The following CSMD2 variants were observed in gnomAD, a reference collection of about 807,000 sequenced individuals.
CSMD2 encodes CUB and Sushi multiple domains 2, also known as CUB and sushi domain-containing protein 2.
A neutral mutation model predicts 398.5 loss-of-function variants in CSMD2; 130 were observed. The ratio of observed to expected loss-of-function variants is 0.33; its 90% CI spans 0.28 to 0.38. CSMD2 has a LOEUF of 0.38. Ranked by LOEUF, CSMD2 falls within the 10% of genes least tolerant of loss-of-function variation. The pLI is 1.00. For missense variants in CSMD2, 3,829 were observed against 4,764.9 expected, an observed-to-expected ratio of 0.80 and a Z score of 5.78; for synonymous variants, 1,828 against 1,908.5, an observed-to-expected ratio of 0.96 and a Z score of 1.10.
intron 3 of CSMD2, among the ~76,000 whole-genome samples, chr1:33,995,177 G>C (rs929693707): frequency 6.6e-6 from 1 of 152,142 alleles, no homozygotes; most frequent in Non-Finnish European, 1.5e-5. Flanking sequence ...GAGAAGAAAG[G>C]TTCTCCAAGA....
chr1:33,726,498 G>A (rs779187759), intron 16 of CSMD2, 49 bp downstream of exon 16: 85 of 1,564,874 alleles, frequency 5.4e-5, no homozygotes, highest in Non-Finnish European at 7.0e-5. Context: ...ACGTGGCTCT[G>A]TAAAAATCTC....
intron 64 of CSMD2, among the ~76,000 whole-genome samples, chr1:33,531,422 T>C (rs972242228): frequency 2.0e-5 from 3 of 152,192 alleles, no homozygotes; most frequent in African/African-American, 4.8e-5. Flanking sequence ...TTGGAAAACT[T>C]TGGCAATTCC....
rs192508063 is a variant in CSMD2 at position 33,558,795 on chromosome 1, T to C, written c.8554+505A>G. Among the ~76,000 whole-genome samples, 322 of 152,140 alleles carry C rather than the reference T, an allele frequency of 2.1e-3. 1 individual carries two copies. The highest frequency in any genetic ancestry group is 7.2e-3 in the African/African-American group (300 of 41,528). On this transcript the variant is annotated intron_variant, in intron 54 of 70. Transcript: ENST00000373381. ...TTTCCCCCAGCCCTCACCCCCTTTA[T>C]CTCAACTCTTAGGCTCTCTGCTTTT... is the stretch of plus-strand genomic sequence containing the variant.
intron 4 of CSMD2, among the ~76,000 whole-genome samples, chr1:33,927,310 T>A (rs1003538734): frequency 6.6e-6 from 1 of 152,174 alleles, no homozygotes; most frequent in Non-Finnish European, 1.5e-5. Context: ...AATGACCAAT[T>A]CTGAGAACAT....
intron 25 of CSMD2, among the ~76,000 whole-genome samples, chr1:33,670,663 C>T (rs1340584611): frequency 2.6e-5 from 4 of 152,178 alleles, no homozygotes; most frequent in African/African-American, 7.2e-5. Flanking sequence ...CAACCATGGT[C>T]TCACACTTTT....
Position 33,614,630 on chromosome 1 carries a change from T to C in CSMD2, c.6017-10A>G, listed in dbSNP as rs1641265205. On this transcript the variant is annotated splice_polypyrimidine_tract_variant and intron_variant, in intron 39 of 70. Transcript: ENST00000373381. ...GTTCCCCCACACTGTGCTGTGACAA[T>C]GAGATGAGACAGAGGGTCAGGACAA... 1 of 1,516,128 alleles carries C rather than the reference T, an allele frequency of 6.6e-7. No homozygotes were observed. Among genetic ancestry groups the C allele is most frequent in the East Asian group, 2.3e-5 (1 of 44,380 alleles). The allele number at this position is 1,516,128 out of a possible 1,614,324, so 93.9% of individuals were successfully genotyped here.
At position 33,578,757 on chromosome 1, in the gene CSMD2, C is replaced by T. The variant is rs1369043977; in HGVS notation, c.7388-1273G>A. On this transcript the variant is annotated intron_variant, in intron 48 of 70. Coordinates refer to ENST00000373381, the MANE Select transcript of CSMD2 (RefSeq NM_001281956.2). The stretch of plus-strand genomic sequence containing the variant: ...GGAGTCCCTGGTGGGGTCTTCCAGG[C>T]AGAGATGGATAAGGCAGGATGCGCG... 2.6e-5 allele frequency among the ~76,000 whole-genome samples: 4 copies of T among 152,138 alleles called. No homozygotes were observed. The East Asian group carries it at 7.7e-4, about 29-fold the overall frequency.
At chr1:33,750,568 C>A (rs1297431053) in intron 13 of CSMD2, among the ~76,000 whole-genome samples, 2 of 152,112 alleles carry the variant, frequency 1.3e-5, no homozygotes, top group Non-Finnish European at 2.9e-5. Flanking sequence ...AAGGGCTTGA[C>A]AACCCAGATA....
chr1:33,825,835 C>G (rs1241717461), intron 6 of CSMD2, 61 bp from the exon 7 acceptor site: 1 of 1,383,588 alleles, frequency 7.2e-7, no homozygotes, highest in African/African-American at 1.4e-5. Context: ...GGATAAGGGT[C>G]CCTCTAGAAG....
chr1:33,592,681 G>A (rs1384413247), intron 44 of CSMD2, among the ~76,000 whole-genome samples: 1 of 152,166 alleles, frequency 6.6e-6, no homozygotes, highest in Non-Finnish European at 1.5e-5. Flanking sequence ...CGGGCGCGGT[G>A]GCTCACACCT....
rs773832402 is a variant in CSMD2, at chr1:33,918,188, G to A, written c.826C>T (p.Leu276=). ...AACACCAGGGCGATGGTGTCCCCCAGCTCAGCCAGGATGGTCCATGTGCAG... is the reference window on the plus strand; with the variant it reads ...AACACCAGGGCGATGGTGTCCCCCAACTCAGCCAGGATGGTCCATGTGCAG... The part of the protein sequence containing the change: ...ADCTWTILAE[L]GDTIALVFID... The change falls in exon 5 of 71, where the codon CTG becomes TTG. Residue 276 remains leucine, a synonymous_variant. Coordinates refer to ENST00000373381, the MANE Select transcript of CSMD2 (RefSeq NM_001281956.2). 3.7e-6 allele frequency: 6 copies of A among 1,614,178 alleles called. No homozygotes were observed. Among genetic ancestry groups the A allele is most frequent in the Admixed American group, 1.7e-5 (1 of 60,024 alleles).
At chr1:33,722,761 T>G (rs971598172) in intron 19 of CSMD2, among the ~76,000 whole-genome samples, 1 of 152,176 alleles carries the variant, frequency 6.6e-6, no homozygotes, top group African/African-American at 2.4e-5. Flanking sequence ...TTTCAAAGTT[T>G]TTTTTAATTG....
At chr1:33,586,023 T>C (rs534133192) in intron 46 of CSMD2, among the ~76,000 whole-genome samples, 1 of 152,212 alleles carries the variant, frequency 6.6e-6, no homozygotes, top group Non-Finnish European at 1.5e-5. Context: ...TTGATCTTAA[T>C]TGGGGTGACT....
intron 1 of CSMD2, among the ~76,000 whole-genome samples, chr1:34,103,314 T>TTTTTTTTTTTTTTTTTTTC (rs1553316154): frequency 8.7e-6 from 1 of 114,658 alleles, no homozygotes; most frequent in Non-Finnish European, 1.7e-5. Flanking sequence ...TTTTTTTCTT[T>TTTTTTTTTTTTTTTTTTTC]CTGAGCCAGA....
At chr1:34,093,423 G>A (rs1276384678) in intron 1 of CSMD2, among the ~76,000 whole-genome samples, 2 of 152,236 alleles carry the variant, frequency 1.3e-5, no homozygotes. Context: ...ACTTTGACGA[G>A]CTGAGAGAAG....
At chr1:33,592,948 C>CAAA (rs35494833) in intron 44 of CSMD2, among the ~76,000 whole-genome samples, 6 of 126,790 alleles carry the variant, frequency 4.7e-5, no homozygotes, top group African/African-American at 1.3e-4. Context: ...GACTCTGTCT[C>CAAA]AAAAAAAAAA....
intron 2 of CSMD2, among the ~76,000 whole-genome samples, chr1:34,056,284 A>G (rs1321912031): frequency 6.6e-6 from 1 of 152,102 alleles, no homozygotes; most frequent in Non-Finnish European, 1.5e-5. Context: ...CTCTGGACAC[A>G]TCCCTCTATG....
At chr1:34,145,210 T>C (rs543118913) in intron 1 of CSMD2, among the ~76,000 whole-genome samples, 64 of 152,346 alleles carry the variant, frequency 4.2e-4, no homozygotes, top group South Asian at 1.2e-3. Context: ...AAGATGCCTT[T>C]TCCCAGGGCC....
rs1405376919 is a variant in CSMD2, at chr1:33,833,521, T to G, written c.1034-7747A>C. Among the ~76,000 whole-genome samples the G allele has an allele frequency of 5.9e-3, 854 of 145,738 alleles. 8 individuals are homozygous for G. The highest frequency in any genetic ancestry group is 0.021 in the African/African-American group (824 of 38,670). Reference sequence around the variant, plus strand: ...GTATCTCAAAATAATAAGAGCTATCTATGACAAACCCACAGCCAATATCAT... The same window carrying G: ...GTATCTCAAAATAATAAGAGCTATCGATGACAAACCCACAGCCAATATCAT... On this transcript the variant is annotated intron_variant, in intron 6 of 70. Coordinates refer to ENST00000373381, the MANE Select transcript of CSMD2 (RefSeq NM_001281956.2).
Sources: gnomAD v4.1 joint callset for allele counts (sites outside exome capture counted in the v4.1 genomes callset) on GRCh38, gnomAD v4.1.1 for gene constraint, MANE v1.5 for transcripts, NCBI Gene and HGNC (gene_info 2026-07-23, HGNC 2026-07-21) for gene names.